The following KCNB2 variants were observed in gnomAD, a reference collection of about 807,000 sequenced individuals.
KCNB2 encodes the protein delayed rectifier potassium channel protein.
Under a neutral mutation model 61.5 loss-of-function variants are expected in KCNB2, and 15 were observed. The ratio of observed to expected loss-of-function variants is 0.24; its 90% CI spans 0.16 to 0.38. The LOEUF (loss-of-function observed/expected upper bound fraction) is 0.38, where lower values mean the gene tolerates loss of function less well. KCNB2 is among the 10% of genes least tolerant of loss of function. KCNB2 has a pLI of 1.00. For synonymous variants in KCNB2, 457 were observed against 446.0 expected, an observed-to-expected ratio of 1.02 and a Z score of -0.31; for missense variants, 828 against 1,125.2, an observed-to-expected ratio of 0.74 and a Z score of 3.78.
At chr8:72,734,682 C>A (rs1807808693) in intron 2 of KCNB2, among the ~76,000 whole-genome samples, 1 of 152,116 alleles carries the variant, frequency 6.6e-6, no homozygotes, top group African/African-American at 2.4e-5. Context: ...TCTTCAATAC[C>A]AAGTAGACTG....
intron 2 of KCNB2, among the ~76,000 whole-genome samples, chr8:72,656,885 C>T (rs1420422736): frequency 2.0e-5 from 3 of 152,148 alleles, no homozygotes; most frequent in East Asian, 1.9e-4. Flanking sequence ...TTCTCATTAT[C>T]GGGCTACCAG....
At chr8:72,922,693 C>T (rs1231928647) in intron 2 of KCNB2, among the ~76,000 whole-genome samples, 1 of 152,228 alleles carries the variant, frequency 6.6e-6, no homozygotes, top group African/African-American at 2.4e-5. Context: ...AGTATTATTT[C>T]ATTGTGGATT....
chr8:72,882,538 A>AGAGAGAGC (rs1554541257), intron 2 of KCNB2, among the ~76,000 whole-genome samples: 7 of 151,022 alleles, frequency 4.6e-5, no homozygotes, highest in African/African-American at 1.5e-4. Flanking sequence ...AGAGAGAGAG[A>AGAGAGAGC]GAGAGAGAGA....
chr8:72,658,900 C>G (rs1187339485), intron 2 of KCNB2, among the ~76,000 whole-genome samples: 1 of 152,150 alleles, frequency 6.6e-6, no homozygotes, highest in Non-Finnish European at 1.5e-5. Context: ...GAAAAAGATT[C>G]CTTTCAAAAT....
rs111343877 is a variant in KCNB2, at chr8:72,726,986, GCTCT to G, written c.579+158676_579+158679del. Among the ~76,000 whole-genome samples the G allele has an allele frequency of 1.6e-3, 242 of 152,262 alleles. 2 individuals carry two copies. Among genetic ancestry groups the G allele is most frequent in the African/African-American group, 5.5e-3 (229 of 41,558 alleles). ...AACGTGAACCTCACCTAATGAAAAT[GCTCT>G]CTATTTGCCTCTCTTTCTGCTTTTT... On this transcript the variant is annotated intron_variant, in intron 2 of 2. Transcript: ENST00000523207.
intron 2 of KCNB2, among the ~76,000 whole-genome samples, chr8:72,913,413 T>A (rs985320065): frequency 6.6e-6 from 1 of 152,216 alleles, no homozygotes; most frequent in East Asian, 1.9e-4. Flanking sequence ...ATATCATATG[T>A]ATTCAACTAT....
chr8:72,699,073 C>T (rs762857694), intron 2 of KCNB2, among the ~76,000 whole-genome samples: 7 of 152,184 alleles, frequency 4.6e-5, no homozygotes, highest in Non-Finnish European at 8.8e-5. Flanking sequence ...AGATAACATA[C>T]AGAATGGAAG....
chr8:72,593,914 T>A (rs1807142973), intron 2 of KCNB2, among the ~76,000 whole-genome samples: 1 of 152,112 alleles, frequency 6.6e-6, no homozygotes, highest in South Asian at 2.1e-4. Flanking sequence ...TTTTTTCAGA[T>A]GGAAAGAAAA....
At chr8:72,582,450 G>A (rs1298625096) in intron 2 of KCNB2, among the ~76,000 whole-genome samples, 5 of 152,192 alleles carry the variant, frequency 3.3e-5, no homozygotes, top group African/African-American at 9.7e-5. Context: ...AGGGGAGTCT[G>A]TGTTGGTACA....
intron 2 of KCNB2, among the ~76,000 whole-genome samples, chr8:72,894,206 A>G (rs1234421999): frequency 1.3e-5 from 2 of 152,268 alleles, no homozygotes; most frequent in East Asian, 3.9e-4. Flanking sequence ...TTGCAGGTGT[A>G]GGGACAAACT....
chr8:72,579,488 T>C (rs573794864), intron 2 of KCNB2, among the ~76,000 whole-genome samples: 1 of 152,334 alleles, frequency 6.6e-6, no homozygotes, highest in East Asian at 1.9e-4. Flanking sequence ...AATTTTCTCT[T>C]GTCAACTCTT....
intron 1 of KCNB2, among the ~76,000 whole-genome samples, chr8:72,553,795 A>C (rs956751312): frequency 1.3e-5 from 2 of 152,100 alleles, no homozygotes; most frequent in African/African-American, 4.8e-5. Flanking sequence ...TATGGTAATC[A>C]TTTTTGTCAT....
At chr8:72,691,352 A>G (rs1222274754) in intron 2 of KCNB2, among the ~76,000 whole-genome samples, 1 of 152,212 alleles carries the variant, frequency 6.6e-6, no homozygotes, top group Non-Finnish European at 1.5e-5. Flanking sequence ...TTGCCATAAA[A>G]AGAAAAGTCT....
At chr8:72,900,343 G>A (rs1806067318) in intron 2 of KCNB2, among the ~76,000 whole-genome samples, 2 of 152,062 alleles carry the variant, frequency 1.3e-5, no homozygotes, top group African/African-American at 4.8e-5. Context: ...ATATAAATTA[G>A]CTCAATATGG....
At chr8:72,809,037 G>C (rs570019065) in intron 2 of KCNB2, among the ~76,000 whole-genome samples, 6 of 152,234 alleles carry the variant, frequency 3.9e-5, no homozygotes, top group African/African-American at 1.4e-4. Flanking sequence ...TTAGCCTGGT[G>C]CCTGGCCAAA....
chr8:72,698,665 C>T lies in KCNB2; in HGVS notation c.579+130352C>T, dbSNP rs537092912. Among the ~76,000 whole-genome samples, 218 of 152,158 alleles carry T rather than the reference C, an allele frequency of 1.4e-3. 2 individuals are homozygous for T. The highest frequency in any genetic ancestry group is 0.01 in the Middle Eastern group (3 of 294). On this transcript the variant is annotated intron_variant, in intron 2 of 2. Transcript: ENST00000523207. ...AGCATGGTACTGGTTCAAAAACAGA[C>T]GCATATACCAACTGAGCAGAATAGA...
At chr8:72,828,576 G>T (rs1809638227) in intron 2 of KCNB2, among the ~76,000 whole-genome samples, 1 of 152,180 alleles carries the variant, frequency 6.6e-6, no homozygotes, top group African/African-American at 2.4e-5. Flanking sequence ...TTACAAAACA[G>T]CACATGGGCT....
In KCNB2 at chr8:72,561,788, T is replaced by C. The variant is rs1289058886; in HGVS notation, c.-93-5854T>C. The stretch of plus-strand genomic sequence containing the variant: ...ATATATATATATATGGATATATATA[T>C]ACATATATATATATATGAATGATAG... On this transcript the variant is annotated intron_variant, in intron 1 of 2. Transcript: ENST00000523207. 5.9e-4 allele frequency among the ~76,000 whole-genome samples: 43 copies of C among 72,822 alleles called. 3 individuals carry two copies. Among genetic ancestry groups the C allele is most frequent in the African/African-American group, 3.6e-3 (38 of 10,580 alleles). The allele number at this position is 72,822 out of a possible 152,430, so 47.8% of individuals were successfully genotyped here.
chr8:72,641,766 T>C (rs990143563), intron 2 of KCNB2, among the ~76,000 whole-genome samples: 1 of 152,120 alleles, frequency 6.6e-6, no homozygotes, highest in Non-Finnish European at 1.5e-5. Context: ...GTAAAATGAA[T>C]ACAGTCATAT....
Sources: gnomAD v4.1 joint callset for allele counts (sites outside exome capture counted in the v4.1 genomes callset) on GRCh38, gnomAD v4.1.1 for gene constraint, MANE v1.5 for transcripts, NCBI Gene and HGNC (gene_info 2026-07-23, HGNC 2026-07-21) for gene names.